Variants in SULF2 observed in about 807,000 individuals in gnomAD.
SULF2 encodes extracellular sulfatase Sulf-2.
SULF2 carries 52 observed loss-of-function variants against 107.7 expected under a neutral mutation model. That is an observed-to-expected ratio of 0.48 (90% CI 0.39 to 0.61). The LOEUF is 0.61. Among genes scored for constraint, SULF2 ranks in the 20% least tolerant of loss-of-function variants. The pLI, the probability that SULF2 is intolerant of heterozygous loss-of-function variation, is 0.00. For missense variants in SULF2, 993 were observed against 1,177.3 expected (o/e 0.84, Z 2.29); for synonymous variants, 460 against 464.3 (o/e 0.99, Z 0.12).
chr20:47,753,053 A>T (rs2090194579), intron 2 of SULF2, among the ~76,000 whole-genome samples: 1 of 143,614 alleles, frequency 7.0e-6, no homozygotes, highest in African/African-American at 2.6e-5. Flanking sequence ...GTGAGCCGAG[A>T]TTGCGCCACT....
intron 2 of SULF2, among the ~76,000 whole-genome samples, chr20:47,741,101 C>T (rs1315137033): frequency 6.6e-6 from 1 of 152,216 alleles, no homozygotes; most frequent in East Asian, 1.9e-4. Context: ...CAGTTGCTTC[C>T]TGATTGGACT....
At chr20:47,722,594 G>A (rs960911621) in intron 3 of SULF2, among the ~76,000 whole-genome samples, 26 of 152,204 alleles carry the variant, frequency 1.7e-4, no homozygotes, top group Admixed American at 7.2e-4. Context: ...CCCAATACCT[G>A]CCTGGTGCTA....
intron 3 of SULF2, among the ~76,000 whole-genome samples, chr20:47,704,285 T>C (rs1375158466): frequency 1.3e-5 from 2 of 151,930 alleles, no homozygotes; most frequent in African/African-American, 4.8e-5. Context: ...ACATTTTTTT[T>C]TTCTTTGAGA....
chr20:47,709,146 G>A (rs561449994), intron 3 of SULF2, among the ~76,000 whole-genome samples: 1 of 152,250 alleles, frequency 6.6e-6, no homozygotes, highest in East Asian at 1.9e-4. Context: ...AGAATGAGCT[G>A]GAATTAAAAC....
At chr20:47,726,120 A>G (rs1417197091) in intron 3 of SULF2, among the ~76,000 whole-genome samples, 1 of 152,164 alleles carries the variant, frequency 6.6e-6, no homozygotes, top group African/African-American at 2.4e-5. Flanking sequence ...AAAGTTCGAC[A>G]GCCACCACCC....
At chr20:47,757,070 A>G in intron 2 of SULF2, 119 bp downstream of exon 2, 1 of 940,652 alleles carries the variant, frequency 1.1e-6, no homozygotes, top group Non-Finnish European at 1.5e-6. Context: ...TCTTGGTTTC[A>G]ATGTACTCAA....
chr20:47,745,382 GAAAAAAAAAAAAAA>G (rs1158560282), intron 2 of SULF2, among the ~76,000 whole-genome samples: 1,239 of 51,832 alleles, frequency 0.024, 41 homozygotes, highest in Admixed American at 0.027. Flanking sequence ...AGTTTTGAGG[GAAAAAAAAAAAAAA>G]AAAAAAAAAA....
Position 47,666,949 on chromosome 20 carries a change from AAAG to A in SULF2, c.1577-464_1577-462del, listed in dbSNP as rs1418668438. On this transcript the variant is annotated intron_variant, in intron 11 of 20. Transcript: ENST00000688720. The surrounding 1 kb of genome is among the most constrained non-coding windows in gnomAD (Gnocchi z 5.4). ...AGAATAGGTAAATCTATAGCGGCAG[AAAG>A]AAGATTGGTGATTGCCAGGGGCTGG... Among the ~76,000 whole-genome samples, 1 of 152,210 alleles carries A rather than the reference AAAG, an allele frequency of 6.6e-6. No individual in the cohort carries two copies. The highest frequency in any genetic ancestry group is 1.9e-4 in the East Asian group (1 of 5,194).
rs1568892480 is a variant in SULF2 at position 47,745,405 on chromosome 20, AAAAAAAT to A, written c.176-8470_176-8464del. The stretch of plus-strand genomic sequence containing the variant: ...GGGAAAAAAAAAAAAAAAAAAAAAA[AAAAAAAT>A]ATATATATATATATATATATATATA... On this transcript the variant is annotated intron_variant, in intron 2 of 20. Coordinates refer to ENST00000688720, the MANE Select transcript of SULF2 (RefSeq NM_001387048.1). 4.2e-3 allele frequency among the ~76,000 whole-genome samples: 87 copies of A among 20,780 alleles called. 3 individuals carry two copies. Among genetic ancestry groups the A allele is most frequent in the African/African-American group, 0.026 (86 of 3,284 alleles). 13.6% of individuals were successfully genotyped at this position (20,780 alleles called of 152,430 possible).
chr20:47,673,496 C>A lies in SULF2; in HGVS notation c.1381-1103G>T, dbSNP rs11696412. Among the ~76,000 whole-genome samples, 1,081 of 152,224 alleles carry A rather than the reference C, an allele frequency of 7.1e-3. 5 individuals carry two copies. The highest frequency in any genetic ancestry group is 0.011 in the Admixed American group (166 of 15,284). The stretch of plus-strand genomic sequence containing the variant: ...GTGGAGTCTGGTGCCACCATCCCCC[C>A]CAACCCTCTGCTGCACCGTCTGCCC... On this transcript the variant is annotated intron_variant, in intron 10 of 20. Coordinates refer to ENST00000688720, the MANE Select transcript of SULF2 (RefSeq NM_001387048.1).
chr20:47,711,177 C>T (rs985437855), intron 3 of SULF2, among the ~76,000 whole-genome samples: 4 of 152,198 alleles, frequency 2.6e-5, no homozygotes, highest in East Asian at 1.9e-4. Context: ...CATGCCGGGC[C>T]GGCGTAGGAA....
At chr20:47,701,719 G>T (rs181983195) in intron 4 of SULF2, among the ~76,000 whole-genome samples, 3 of 152,202 alleles carry the variant, frequency 2.0e-5, no homozygotes, top group Admixed American at 1.3e-4. Flanking sequence ...TGGTATAAGC[G>T]CATGATGGAA....
chr20:47,748,551 C>A (rs2090096678), intron 2 of SULF2, among the ~76,000 whole-genome samples: 1 of 152,220 alleles, frequency 6.6e-6, no homozygotes, highest in Admixed American at 6.5e-5. Context: ...CAAAGATGTG[C>A]CAGGAGCCTG....
chr20:47,743,734 T>C (rs1472245748), intron 2 of SULF2, among the ~76,000 whole-genome samples: 1 of 152,196 alleles, frequency 6.6e-6, no homozygotes, highest in Non-Finnish European at 1.5e-5. Flanking sequence ...AGGTCCTCAG[T>C]GATCCGGATG....
rs1426583621 is a variant in SULF2 at position 47,659,383 on chromosome 20, T to C, written c.2582+16A>G. 1.9e-6 allele frequency: 3 copies of C among 1,613,446 alleles called. No homozygotes were observed. In the East Asian group the frequency reaches 6.7e-5, roughly 36 times the overall value. On this transcript the variant is annotated intron_variant, in intron 20 of 20. Coordinates refer to ENST00000688720, the MANE Select transcript of SULF2 (RefSeq NM_001387048.1). ...CAGAACCAGATTTCTATTTGTAAGC[T>C]GGTTCCTCAACTCACAGTGATTTGG...
intron 4 of SULF2, among the ~76,000 whole-genome samples, chr20:47,700,997 A>G (rs972058222): frequency 1.3e-5 from 2 of 152,222 alleles, no homozygotes; most frequent in Non-Finnish European, 2.9e-5. Flanking sequence ...CTTTGGGTGT[A>G]TAACCAAAAG....
intron 3 of SULF2, among the ~76,000 whole-genome samples, chr20:47,736,265 G>A (rs1272104755): frequency 6.6e-6 from 1 of 152,178 alleles, no homozygotes; most frequent in East Asian, 1.9e-4. Flanking sequence ...CGTAGAAAGC[G>A]ACCACACAGC....
intron 2 of SULF2, among the ~76,000 whole-genome samples, chr20:47,744,930 A>C (rs1462202910): frequency 6.6e-6 from 1 of 152,106 alleles, no homozygotes; most frequent in Admixed American, 6.5e-5. Flanking sequence ...CTACAAATGA[A>C]TATGTGTGTG....
intron 1 of SULF2, among the ~76,000 whole-genome samples, chr20:47,777,973 C>CAAAAA (rs11322737): frequency 1.5e-5 from 2 of 132,612 alleles, no homozygotes; most frequent in African/African-American, 5.6e-5. Flanking sequence ...TCATCTCTAC[C>CAAAAA]AAAAAAAAAA....
Sources: allele counts gnomAD v4.1 joint callset (sites outside exome capture counted in the v4.1 genomes callset), GRCh38; gene constraint gnomAD v4.1.1; non-coding constraint Gnocchi (gnomAD v3.1); transcripts MANE v1.5; gene names NCBI Gene and HGNC (gene_info 2026-07-23, HGNC 2026-07-21).